The following ARHGAP8 variants were observed in gnomAD, a reference collection of about 807,000 sequenced individuals.
ARHGAP8 encodes rho GTPase-activating protein 8.
A neutral mutation model predicts 46.1 loss-of-function variants in ARHGAP8; 62 were observed. The observed-to-expected ratio is 1.34, with a 90% CI of 1.10 to 1.66. The LOEUF is 1.66. Among genes scored for constraint, ARHGAP8 ranks in the 40% most tolerant of loss-of-function variants. The pLI, the probability that ARHGAP8 is intolerant of heterozygous loss-of-function variation, is 0.00. For synonymous variants in ARHGAP8, 375 were observed against 243.1 expected (o/e 1.54, Z -5.05); for missense variants, 923 against 568.4 (o/e 1.62, Z -6.34).
chr22:44,756,166 G>T (rs974243887), intron 1 of ARHGAP8, among the ~76,000 whole-genome samples: 1 of 152,152 alleles, frequency 6.6e-6, no homozygotes, highest in Non-Finnish European at 1.5e-5. Context: ...TGACTGTCCA[G>T]AAGGAACTGG....
intron 1 of ARHGAP8, among the ~76,000 whole-genome samples, chr22:44,760,623 C>T (rs1179448964): frequency 6.6e-6 from 1 of 152,122 alleles, no homozygotes; most frequent in Non-Finnish European, 1.5e-5. Context: ...CTAATTTGCC[C>T]GAGGTAAGTA....
chr22:44,835,447 G>A (rs865811443), intron 7 of ARHGAP8, among the ~76,000 whole-genome samples: 30 of 152,056 alleles, frequency 2.0e-4, no homozygotes, highest in East Asian at 1.4e-3. Flanking sequence ...GTGAAACCCC[G>A]TCTCTACTAA....
At chr22:44,850,990 A>G (rs949757868) in intron 10 of ARHGAP8, 1 of 150,886 alleles carries the variant, frequency 6.6e-6, no homozygotes, top group Non-Finnish European at 1.5e-5. Flanking sequence ...AAAGCTTGCA[A>G]TTATGAATCC....
Position 44,825,558 on chromosome 22 carries a change from G to A in ARHGAP8, c.561G>A (p.Pro187=), listed in dbSNP as rs778484303. The part of the protein sequence containing the change: ...PPTKTPPPRP[P]LPTQQFGVSL... ...CCAAGACACCACCGCCGCGGCCCCC[G>A]CTGCCCACACAGCAGTTTGGCGTCA... Residue 187 remains proline (P), a synonymous_variant, in exon 7 of 12, where the codon CCG becomes CCA. Coordinates refer to ENST00000356099, the MANE Select transcript of ARHGAP8 (RefSeq NM_181335.3). 1.1e-5 allele frequency: 18 copies of A among 1,612,804 alleles called. No individual in the cohort carries two copies. The highest frequency in any genetic ancestry group is 6.7e-5 in the Admixed American group (4 of 59,910).
chr22:44,857,570 G>A (rs980326975), intron 10 of ARHGAP8, among the ~76,000 whole-genome samples: 4 of 152,192 alleles, frequency 2.6e-5, no homozygotes, highest in African/African-American at 9.7e-5. Context: ...AGAGTGGAGA[G>A]GCGTGGGAAG....
intron 5 of ARHGAP8, among the ~76,000 whole-genome samples, chr22:44,822,151 C>A (rs995754196): frequency 6.6e-6 from 1 of 152,192 alleles, no homozygotes; most frequent in African/African-American, 2.4e-5. Flanking sequence ...ATGAGCCACT[C>A]CAGCGTGTTT....
chr22:44,758,951 C>A (rs876418), intron 1 of ARHGAP8, among the ~76,000 whole-genome samples: 26,170 of 152,012 alleles, frequency 0.17, 2,571 homozygotes, highest in African/African-American at 0.27. Flanking sequence ...TTTTTTTAGG[C>A]GGGAGAAGAG....
intron 8 of ARHGAP8, 44 bp from the exon 9 acceptor site, chr22:44,847,929 T>G (rs2069997291): frequency 6.2e-7 from 1 of 1,602,006 alleles, no homozygotes; most frequent in Admixed American, 1.7e-5. Flanking sequence ...TGGAAGCCCT[T>G]TGGGCTGGGA....
chr22:44,859,552 C>G, intron 10 of ARHGAP8, 179 bp from the exon 11 acceptor site: 2 of 631,382 alleles, frequency 3.2e-6, no homozygotes, highest in East Asian at 2.8e-5. Flanking sequence ...AATAGCCAAA[C>G]ACACAGGTTT....
At chr22:44,827,613 G>A (rs1930631465) in intron 7 of ARHGAP8, among the ~76,000 whole-genome samples, 1 of 152,100 alleles carries the variant, frequency 6.6e-6, no homozygotes, top group Admixed American at 6.6e-5. Context: ...AAAGTGCTAG[G>A]ATTACAGGTG....
intron 1 of ARHGAP8, among the ~76,000 whole-genome samples, chr22:44,758,835 G>T (rs1043807738): frequency 1.3e-5 from 2 of 152,216 alleles, no homozygotes; most frequent in Non-Finnish European, 2.9e-5. Context: ...TTGACAGAGG[G>T]TTGTCATGGA....
At chr22:44,845,386 G>T (rs2147159336) in intron 8 of ARHGAP8, 44 bp downstream of exon 8, 1 of 1,612,750 alleles carries the variant, frequency 6.2e-7, no homozygotes, top group South Asian at 1.1e-5. Context: ...AGGGCTGCTG[G>T]GTGCACCTCT....
At chr22:44,763,077 T>C (rs761180252) in intron 1 of ARHGAP8, among the ~76,000 whole-genome samples, 9 of 152,046 alleles carry the variant, frequency 5.9e-5, no homozygotes, top group Non-Finnish European at 1.3e-4. Flanking sequence ...TGGGTCCAAA[T>C]TGTGAAACAA....
chr22:44,805,946 C>T (rs906110843), intron 3 of ARHGAP8, among the ~76,000 whole-genome samples: 1 of 152,170 alleles, frequency 6.6e-6, no homozygotes, highest in Non-Finnish European at 1.5e-5. Context: ...CGGGCAGATG[C>T]ATTGACACTC....
chr22:44,823,154 G>A (rs988342052), intron 6 of ARHGAP8, among the ~76,000 whole-genome samples: 13 of 152,164 alleles, frequency 8.5e-5, no homozygotes, highest in East Asian at 1.9e-4. Context: ...CTCTCCGGAC[G>A]CCAAGTCACA....
At chr22:44,783,834 C>T (rs533567952) in intron 1 of ARHGAP8, among the ~76,000 whole-genome samples, 2 of 152,134 alleles carry the variant, frequency 1.3e-5, no homozygotes, top group East Asian at 1.9e-4. Context: ...TTCCTGGGCT[C>T]GGGCCCATCC....
At chr22:44,826,257 C>T (rs1000506911) in intron 7 of ARHGAP8, among the ~76,000 whole-genome samples, 3 of 152,130 alleles carry the variant, frequency 2.0e-5, no homozygotes, top group African/African-American at 7.2e-5. Flanking sequence ...TGCTAACACC[C>T]AGGCTGGACA....
intron 1 of ARHGAP8, among the ~76,000 whole-genome samples, chr22:44,770,404 C>CTTT (rs59724840): frequency 3.4e-5 from 5 of 145,762 alleles, no homozygotes; most frequent in African/African-American, 1.0e-4. Flanking sequence ...ACCTTAGATT[C>CTTT]TTTTTTTTTT....
intron 7 of ARHGAP8, among the ~76,000 whole-genome samples, chr22:44,834,763 G>T (rs1350987000): frequency 6.6e-6 from 1 of 151,900 alleles, no homozygotes; most frequent in African/African-American, 2.4e-5. Flanking sequence ...GTCTGTTTTG[G>T]CTCCACATGT....
Sources: allele counts gnomAD v4.1 joint callset (sites outside exome capture counted in the v4.1 genomes callset), GRCh38; gene constraint gnomAD v4.1.1; transcripts MANE v1.5; gene names NCBI Gene and HGNC (gene_info 2026-07-23, HGNC 2026-07-21).